ARHGEF10: variants seen among roughly 807,000 people sequenced by gnomAD.
ARHGEF10 encodes Rho guanine nucleotide exchange factor (GEF) 10.
Under a neutral mutation model 147.4 loss-of-function variants are expected in ARHGEF10, and 140 were observed. The ratio of observed to expected loss-of-function variants is 0.95; its 90% CI spans 0.83 to 1.09. The LOEUF (loss-of-function observed/expected upper bound fraction) is 1.09. Ranked by LOEUF, ARHGEF10 falls within the 50% of genes least tolerant of loss-of-function variation. The pLI, the probability that ARHGEF10 is intolerant of heterozygous loss-of-function variation, is 0.00. For missense variants in ARHGEF10, 2,222 were observed against 1,752.7 expected (o/e 1.27, Z -4.78); for synonymous variants, 902 against 695.8 (o/e 1.30, Z -4.67).
At chr8:1,830,615 A>AAGTGCTC (rs1251689170) in intron 1 of ARHGEF10, among the ~76,000 whole-genome samples, 6 of 152,220 alleles carry the variant, frequency 3.9e-5, no homozygotes, top group Non-Finnish European at 8.8e-5. Flanking sequence ...GCTAAGTACT[A>AAGTGCTC]AGTGCTCTCA....
intron 1 of ARHGEF10, among the ~76,000 whole-genome samples, chr8:1,834,282 C>A (rs1417537524): frequency 6.6e-6 from 1 of 152,230 alleles, no homozygotes; most frequent in Non-Finnish European, 1.5e-5. Context: ...CCTTGCGAGA[C>A]TGAATGCATT....
chr8:1,923,522 T>G lies in ARHGEF10; in HGVS notation c.2314T>G (p.Leu772Val). ...GACATCAGGTTTACAAAGGCTTATTTTGAAGAAAGAAGATGAAATCAGAGC... is the reference window on the plus strand; with the variant it reads ...GACATCAGGTTTACAAAGGCTTATTGTGAAGAAAGAAGATGAAATCAGAGC... Reference protein sequence around the residue: ...DWTSGLQRLILKKEDEIRAAD... With the variant: ...DWTSGLQRLIVKKEDEIRAAD... Residue 772 changes from leucine to valine, a missense_variant, in exon 20 of 29, where the codon TTG becomes GTG. Transcript: ENST00000349830. 6.2e-7 allele frequency: 1 copy of G among 1,614,084 alleles called. No individual in the cohort carries two copies.
chr8:1,896,305 T>C, intron 13 of ARHGEF10, 28 bp from the exon 14 acceptor site: 1 of 1,509,882 alleles, frequency 6.6e-7, no homozygotes, highest in Non-Finnish European at 9.2e-7. Context: ...CTCTGTGATT[T>C]CTCTCTGAAT....
intron 18 of ARHGEF10, among the ~76,000 whole-genome samples, chr8:1,918,749 C>G (rs1811955546): frequency 6.6e-6 from 1 of 152,186 alleles, no homozygotes; most frequent in Admixed American, 6.5e-5. Context: ...TCCCAATGAA[C>G]TGAAATCTGT....
At chr8:1,908,434 G>A (rs1158491691) in intron 17 of ARHGEF10, among the ~76,000 whole-genome samples, 13 of 151,988 alleles carry the variant, frequency 8.6e-5, no homozygotes, top group South Asian at 2.1e-4. Context: ...GGGTGTCACT[G>A]TGTTAGCCAG....
chr8:1,908,327 T>C (rs994634819), intron 17 of ARHGEF10, among the ~76,000 whole-genome samples: 13 of 149,126 alleles, frequency 8.7e-5, no homozygotes, highest in Non-Finnish European at 7.4e-5. Context: ...GCCTCCCGGG[T>C]TCACGCCATT....
intron 16 of ARHGEF10, 59 bp from the exon 17 acceptor site, chr8:1,905,512 T>G: frequency 6.2e-7 from 1 of 1,610,940 alleles, no homozygotes; most frequent in Non-Finnish European, 8.5e-7. Flanking sequence ...CTTCTCCTCA[T>G]CTTTTTCTTT....
At chr8:1,938,797 C>T (rs553261207) in intron 26 of ARHGEF10, among the ~76,000 whole-genome samples, 1 of 152,088 alleles carries the variant, frequency 6.6e-6, no homozygotes. Flanking sequence ...ACAACAGGCC[C>T]AGGTCAGCAG....
intron 1 of ARHGEF10, among the ~76,000 whole-genome samples, chr8:1,843,123 C>G (rs1479368160): frequency 3.3e-5 from 5 of 152,220 alleles, no homozygotes; most frequent in African/African-American, 9.7e-5. Context: ...GGCTACATTT[C>G]AAGGTGAAGT....
At chr8:1,854,882 C>G (rs747020603) in intron 2 of ARHGEF10, among the ~76,000 whole-genome samples, 2 of 152,164 alleles carry the variant, frequency 1.3e-5, no homozygotes, top group Non-Finnish European at 2.9e-5. Flanking sequence ...AGAACGCATG[C>G]GGTTCTTCTC....
rs1585433622 is a variant in ARHGEF10, at chr8:1,894,426, A to C, written c.1294A>C (p.Lys432Gln). The C allele has an allele frequency of 6.2e-7, 1 of 1,614,154 alleles. No individual in the cohort carries two copies. The highest frequency in any genetic ancestry group is 2.2e-5 in the East Asian group (1 of 44,870). Residue 432 changes from lysine (K) to glutamine (Q), a missense_variant, in exon 13 of 29, where the codon AAG (lysine) becomes CAG (glutamine). Transcript: ENST00000349830. Reference sequence around the variant, plus strand: ...GAAGCCGCTGTCTGAGATGGAGCCAAAGGTTCTGAGTGAGAGGAAGCTGAA... The same window carrying C: ...GAAGCCGCTGTCTGAGATGGAGCCACAGGTTCTGAGTGAGAGGAAGCTGAA... ...YEKPLSEMEP[K>Q]VLSERKLKTV...
intron 1 of ARHGEF10, among the ~76,000 whole-genome samples, chr8:1,842,683 G>A (rs568319309): frequency 3.3e-5 from 5 of 152,348 alleles, no homozygotes; most frequent in Admixed American, 6.5e-5. Context: ...TGGCTCTGGC[G>A]GGAGCCAGGC....
chr8:1,889,137 T>TGGGGTGAGGGTTGTAAGGGGAAAGTGAGG (rs1809136339), intron 11 of ARHGEF10, among the ~76,000 whole-genome samples: 1 of 59,064 alleles, frequency 1.7e-5, no homozygotes, highest in African/African-American at 7.5e-5. Flanking sequence ...ACACTGTGAG[T>TGGGGTGAGGGTTGTAAGGGGAAAGTGAGG]GGGGTGAGGG....
At chr8:1,936,509 C>CAA (rs1012224270) in intron 26 of ARHGEF10, among the ~76,000 whole-genome samples, 4 of 149,506 alleles carry the variant, frequency 2.7e-5, no homozygotes, top group African/African-American at 9.8e-5. Context: ...GACCCTGTCT[C>CAA]AAAAAAAAAA....
chr8:1,833,858 A>G (rs542322285), intron 1 of ARHGEF10, among the ~76,000 whole-genome samples: 3 of 152,308 alleles, frequency 2.0e-5, no homozygotes, highest in African/African-American at 7.2e-5. Flanking sequence ...TGTGCACCTC[A>G]GCCTCCATTG....
At chr8:1,840,611 G>A (rs1011524991) in intron 1 of ARHGEF10, among the ~76,000 whole-genome samples, 1 of 151,894 alleles carries the variant, frequency 6.6e-6, no homozygotes, top group African/African-American at 2.4e-5. Context: ...ACTGTCTGAT[G>A]TGGAAGCTGT....
chr8:1,851,064 G>C (rs1005527920), intron 2 of ARHGEF10, among the ~76,000 whole-genome samples: 2 of 152,162 alleles, frequency 1.3e-5, no homozygotes, highest in Non-Finnish European at 2.9e-5. Context: ...CGGAGCACGG[G>C]ATTTTTAGGG....
chr8:1,916,733 T>C (rs757490050), intron 18 of ARHGEF10, among the ~76,000 whole-genome samples: 99 of 152,204 alleles, frequency 6.5e-4, no homozygotes, highest in Non-Finnish European at 1.3e-3. Context: ...CTTATCAGAC[T>C]AGGGACTTAT....
chr8:1,882,114 C>T (rs1430384511), intron 9 of ARHGEF10, among the ~76,000 whole-genome samples: 2 of 152,168 alleles, frequency 1.3e-5, no homozygotes, highest in Admixed American at 6.5e-5. Context: ...AGGTGTGTCC[C>T]GTGCGTGTCT....
Sources: gnomAD v4.1 joint callset for allele counts (sites outside exome capture counted in the v4.1 genomes callset) on GRCh38, gnomAD v4.1.1 for gene constraint, MANE v1.5 for transcripts, NCBI Gene and HGNC (gene_info 2026-07-23, HGNC 2026-07-21) for gene names.